The following PLCG2 variants were observed in gnomAD, a reference collection of about 807,000 sequenced individuals.
The protein encoded by PLCG2 is phospholipase C gamma 2, also known as 1-phosphatidylinositol 4,5-bisphosphate phosphodiesterase gamma-2.
Under a neutral mutation model 175.6 loss-of-function variants are expected in PLCG2, and 69 were observed. The ratio of observed to expected loss-of-function variants is 0.39; its 90% CI spans 0.32 to 0.48. PLCG2 has a LOEUF of 0.48. Among genes scored for constraint, PLCG2 ranks in the 20% least tolerant of loss-of-function variants. The probability of loss-of-function intolerance (pLI) is 0.91; values close to 1 mark genes in which losing one functional copy is unlikely to be tolerated. For missense variants in PLCG2, 1,798 were observed against 1,650.9 expected (o/e 1.09, Z -1.54); for synonymous variants, 827 against 624.0 (o/e 1.33, Z -4.85).
chr16:81,771,501 A>G (rs1277250198), intron 2 of PLCG2, among the ~76,000 whole-genome samples: 1 of 152,172 alleles, frequency 6.6e-6, no homozygotes, highest in African/African-American at 2.4e-5. Context: ...CTCCTCTGAG[A>G]AGTCTTCGCA....
chr16:81,919,318 CATT>C (rs1056924491), intron 19 of PLCG2, among the ~76,000 whole-genome samples, 163 bp from the exon 20 acceptor site: 4 of 152,188 alleles, frequency 2.6e-5, no homozygotes, highest in African/African-American at 9.7e-5. Context: ...ATACCCACAT[CATT>C]GTTTTCTTAT....
chr16:81,751,871 C>G (rs1436194280), intron 1 of PLCG2, among the ~76,000 whole-genome samples: 1 of 151,832 alleles, frequency 6.6e-6, no homozygotes, highest in African/African-American at 2.4e-5. Flanking sequence ...AAAATATAAA[C>G]ATTAGGTGGA....
chr16:81,817,883 C>G (rs555612476), intron 2 of PLCG2, among the ~76,000 whole-genome samples: 1 of 152,234 alleles, frequency 6.6e-6, no homozygotes, highest in African/African-American at 2.4e-5. Flanking sequence ...TGCTTATGAA[C>G]ATGTTCTCAC....
chr16:81,835,680 C>T (rs1905476883), intron 2 of PLCG2, among the ~76,000 whole-genome samples: 2 of 152,168 alleles, frequency 1.3e-5, no homozygotes, highest in African/African-American at 2.4e-5. Flanking sequence ...TGCCATAACA[C>T]AAGTGCCACA....
At chr16:81,790,232 G>C (rs892694595) in intron 2 of PLCG2, among the ~76,000 whole-genome samples, 32 of 152,214 alleles carry the variant, frequency 2.1e-4, no homozygotes, top group African/African-American at 7.5e-4. Flanking sequence ...TTGCTAACTA[G>C]TGGAGTCCAG....
At chr16:81,955,476 T>C (rs1295431970) in intron 31 of PLCG2, among the ~76,000 whole-genome samples, 1 of 152,320 alleles carries the variant, frequency 6.6e-6, no homozygotes, top group East Asian at 1.9e-4. Flanking sequence ...TCCCCCTGCA[T>C]TGAAACCCAA....
At chr16:81,914,169 C>T (rs1038931756) in intron 19 of PLCG2, among the ~76,000 whole-genome samples, 1 of 152,230 alleles carries the variant, frequency 6.6e-6, no homozygotes, top group Non-Finnish European at 1.5e-5. Context: ...TCCCACTGTG[C>T]TGTCATCCTG....
At chr16:81,827,920 G>T (rs189447329) in intron 2 of PLCG2, among the ~76,000 whole-genome samples, 3 of 151,904 alleles carry the variant, frequency 2.0e-5, no homozygotes, top group Non-Finnish European at 4.4e-5. Context: ...GAGAAACCCC[G>T]TCTCTACTAA....
intron 2 of PLCG2, among the ~76,000 whole-genome samples, chr16:81,807,671 A>G (rs866758596): frequency 6.6e-6 from 1 of 152,214 alleles, no homozygotes; most frequent in African/African-American, 2.4e-5. Context: ...GGGTCACTGT[A>G]TTAGTCTGTT....
chr16:81,870,827 GT>G, intron 6 of PLCG2, 24 bp from the exon 7 acceptor site: 1 of 1,312,716 alleles, frequency 7.6e-7, no homozygotes, highest in Non-Finnish European at 1.1e-6. Context: ...CAAAAATCAT[GT>G]GGTCACTTTT....
intron 2 of PLCG2, among the ~76,000 whole-genome samples, chr16:81,819,760 T>A (rs937207691): frequency 2.6e-5 from 4 of 152,116 alleles, no homozygotes; most frequent in Admixed American, 2.6e-4. Flanking sequence ...AATTTTTGTA[T>A]TTTTAGCAGA....
At chr16:81,751,110 A>G (rs920306108) in intron 1 of PLCG2, among the ~76,000 whole-genome samples, 1 of 148,756 alleles carries the variant, frequency 6.7e-6, no homozygotes, top group African/African-American at 2.5e-5. Flanking sequence ...CCTCCTCAGT[A>G]GCTGGTATTA....
At chr16:81,819,887 G>C (rs1343674179) in intron 2 of PLCG2, among the ~76,000 whole-genome samples, 1 of 152,106 alleles carries the variant, frequency 6.6e-6, no homozygotes, top group Admixed American at 6.6e-5. Context: ...CCTAGCCCTA[G>C]CTCAGTTTTA....
At chr16:81,946,979 G>C (rs960824599) in intron 31 of PLCG2, among the ~76,000 whole-genome samples, 1 of 152,170 alleles carries the variant, frequency 6.6e-6, no homozygotes, top group South Asian at 2.1e-4. Flanking sequence ...TATTGCCCGG[G>C]GAAAGGGAAC....
At chr16:81,869,444 G>A in intron 6 of PLCG2, 146 bp downstream of exon 6, 2 of 643,780 alleles carry the variant, frequency 3.1e-6, no homozygotes, top group Non-Finnish European at 5.6e-6. Flanking sequence ...CAGACAGAGG[G>A]ATCATGGACA....
At chr16:81,926,723 C>T (rs1036880329) in intron 22 of PLCG2, among the ~76,000 whole-genome samples, 3 of 152,148 alleles carry the variant, frequency 2.0e-5, no homozygotes, top group East Asian at 3.9e-4. Flanking sequence ...GCCTGTCTGC[C>T]TCCAGAACCA....
chr16:81,952,979 G>A (rs1474368301), intron 31 of PLCG2, among the ~76,000 whole-genome samples: 2 of 152,190 alleles, frequency 1.3e-5, no homozygotes, highest in African/African-American at 2.4e-5. Flanking sequence ...CTGGAATAAG[G>A]CAGGTTGAAA....
chr16:81,948,667 G>A (rs1911247154), intron 31 of PLCG2, among the ~76,000 whole-genome samples: 1 of 152,196 alleles, frequency 6.6e-6, no homozygotes, highest in Non-Finnish European at 1.5e-5. Flanking sequence ...TTGAGGTTGG[G>A]AAAGATTTCC....
chr16:81,740,960 T>C (rs1343925809), intron 1 of PLCG2, among the ~76,000 whole-genome samples: 1 of 152,102 alleles, frequency 6.6e-6, no homozygotes. Flanking sequence ...AGACAGTGAA[T>C]CTCCCAGTTT....
Sources: allele counts gnomAD v4.1 joint callset (sites outside exome capture counted in the v4.1 genomes callset), GRCh38; gene constraint gnomAD v4.1.1; transcripts MANE v1.5; gene names NCBI Gene and HGNC (gene_info 2026-07-23, HGNC 2026-07-21).